Variants in NLE1 observed in about 807,000 individuals in gnomAD.
NLE1 encodes notchless protein homolog 1.
Under a neutral mutation model 62.8 loss-of-function variants are expected in NLE1, and 37 were observed. The observed-to-expected ratio is 0.59, with a 90% CI of 0.45 to 0.78. The LOEUF (loss-of-function observed/expected upper bound fraction) is 0.78. NLE1 is among the 30% of genes least tolerant of loss of function. The probability of loss-of-function intolerance (pLI) is 0.00; values close to 1 mark genes in which losing one functional copy is unlikely to be tolerated. For synonymous variants in NLE1, 243 were observed against 253.0 expected (o/e 0.96, Z 0.37); for missense variants, 555 against 637.9 (o/e 0.87, Z 1.40).
intron 4 of NLE1, 31 bp downstream of exon 4, chr17:35,139,204 A>C (rs769434120): frequency 3.1e-6 from 5 of 1,593,122 alleles, no homozygotes; most frequent in Non-Finnish European, 4.3e-6. Flanking sequence ...AAAAAAAAGA[A>C]GACCCCCTAA....
chr17:35,142,281 G>C lies in NLE1; in HGVS notation c.-6C>G. On this transcript the variant is annotated 5_prime_UTR_variant, in exon 1 of 13. Transcript: ENST00000442241. ...ACCGGCACTGCTGCCGCCATCCTGC[G>C]TCCCCACGTGGAGGAGAAAGAGCCC... 1 of 1,540,254 alleles carries C rather than the reference G, an allele frequency of 6.5e-7. No homozygotes were observed. The highest frequency in any genetic ancestry group is 8.7e-7 in the Non-Finnish European group (1 of 1,146,056).
chr17:35,141,969 A>T lies in NLE1; in HGVS notation c.162+10T>A, dbSNP rs2091946985. On this transcript the variant is annotated intron_variant, in intron 2 of 12. Transcript: ENST00000442241. The stretch of plus-strand genomic sequence containing the variant: ...GTGGAGATGCGAGGCCGCCCTGGCC[A>T]GCCACTTACCTGGGCCAGTAGCGCG... 2 of 1,566,956 alleles carry T rather than the reference A, an allele frequency of 1.3e-6. No individual in the cohort carries two copies. The highest frequency in any genetic ancestry group is 1.7e-6 in the Non-Finnish European group (2 of 1,156,392).
At chr17:35,132,470 T>A (rs758872484) in intron 12 of NLE1, 21 bp from the exon 13 acceptor site, 1 of 1,383,208 alleles carries the variant, frequency 7.2e-7, no homozygotes, top group Non-Finnish European at 9.4e-7. Flanking sequence ...GGGAAGGGTG[T>A]CAGGATGGGG....
rs144949018 is a variant in NLE1, at chr17:35,137,543, G to A, written c.635C>T (p.Ala212Val). 1.2e-5 allele frequency: 19 copies of A among 1,606,292 alleles called. No individual in the cohort carries two copies. The highest frequency in any genetic ancestry group is 8.0e-5 in the African/African-American group (6 of 74,892). ...ITGLSWEPLH[A>V]NPECRYVASS... ...TCCCAGCTCCGTCAGTGTCACTTAC[G>A]CATGGAGGGGCTCCCAGCTCAGGCC... Residue 212 changes from alanine (A) to valine (V), a missense_variant and splice_region_variant, in exon 6 of 13, where the codon GCG becomes GTG. By Grantham distance (64) the Ala-to-Val change is moderately conservative. Coordinates refer to ENST00000442241, the MANE Select transcript of NLE1 (RefSeq NM_018096.5).
chr17:35,137,222 T>C, intron 6 of NLE1, 29 bp from the exon 7 acceptor site: 1 of 1,574,094 alleles, frequency 6.4e-7, no homozygotes, highest in Non-Finnish European at 8.7e-7. Context: ...TGACCTCATC[T>C]GTGACCTGGC....
In NLE1 at chr17:35,135,229, C is replaced by T; in HGVS notation, c.1214+20G>A. The T allele has an allele frequency of 6.2e-7, 1 of 1,609,482 alleles. No homozygotes were observed. The highest frequency in any genetic ancestry group is 8.5e-7 in the Non-Finnish European group (1 of 1,175,796). On this transcript the variant is annotated intron_variant, in intron 10 of 12. Coordinates refer to ENST00000442241, the MANE Select transcript of NLE1 (RefSeq NM_018096.5). Reference sequence around the variant, plus strand: ...CCACCATTCACTCCTTACAGAGAAGCAGTACCCACCCCTACTCACTTGCCC... The same window carrying T: ...CCACCATTCACTCCTTACAGAGAAGTAGTACCCACCCCTACTCACTTGCCC...
Position 35,137,918 on chromosome 17 carries a change from G to C in NLE1, c.461-28C>G, listed in dbSNP as rs1050144860. ...AAGAAAGCAGAGGAGGGAGAAATAA[G>C]GGACTACATCTGTCTTTATCCCAAG... On this transcript the variant is annotated intron_variant, in intron 4 of 12. Transcript: ENST00000442241. 1.9e-6 allele frequency: 3 copies of C among 1,565,942 alleles called. No homozygotes were observed. In the African/African-American group the frequency reaches 4.1e-5, roughly 21 times the overall value.
rs1433290777 is a variant in NLE1 at position 35,129,993 on chromosome 17, C to G, written c.*2444G>C. On this transcript the variant is annotated 3_prime_UTR_variant, in exon 13 of 13. Transcript: ENST00000442241. ...AGGGCATTGAAAGAAATAGGGAAGACAAGAGGCTAAAGGGGGACGAAGAAG... is the reference window on the plus strand; with the variant it reads ...AGGGCATTGAAAGAAATAGGGAAGAGAAGAGGCTAAAGGGGGACGAAGAAG... The G allele has an allele frequency of 1.0e-5, 14 of 1,372,558 alleles. No homozygotes were observed. The highest frequency in any genetic ancestry group is 1.3e-5 in the Non-Finnish European group (14 of 1,064,546). The allele number at this position is 1,372,558 out of a possible 1,614,324, so 85.0% of individuals were successfully genotyped here.
chr17:35,135,560 G>A (rs751964373), intron 9 of NLE1, 109 bp from the exon 10 acceptor site: 30 of 956,692 alleles, frequency 3.1e-5, no homozygotes, highest in Non-Finnish European at 3.8e-5. Context: ...CAGGGACAGA[G>A]AGAGGCCAGC....
Position 35,129,660 on chromosome 17 carries a change from T to C in NLE1, c.*2777A>G, listed in dbSNP as rs200971445. 9.0e-5 allele frequency: 145 copies of C among 1,613,034 alleles called. No individual in the cohort carries two copies. The highest frequency in any genetic ancestry group is 9.7e-5 in the Non-Finnish European group (114 of 1,179,742). The stretch of plus-strand genomic sequence containing the variant: ...GGGAAGTGGTGCAAGCCCTACAAAG[T>C]GAGCCCTGGGAAAAGAGGGGCCTTG... On this transcript the variant is annotated 3_prime_UTR_variant, in exon 13 of 13. Coordinates refer to ENST00000442241, the MANE Select transcript of NLE1 (RefSeq NM_018096.5).
chr17:35,135,198 C>A (rs771396297), intron 10 of NLE1, 51 bp downstream of exon 10: 2 of 1,551,660 alleles, frequency 1.3e-6, no homozygotes, highest in South Asian at 1.1e-5. Flanking sequence ...CAGTGCCAAG[C>A]CCCTCCCACC....
At position 35,130,031 on chromosome 17, in the gene NLE1, G is replaced by GT. The variant is rs2091866935; in HGVS notation, c.*2405dup. On this transcript the variant is annotated 3_prime_UTR_variant, in exon 13 of 13. Transcript: ENST00000442241. ...GGGGACGAAGAAGGGAACAGCCTGG[G>GT]TATGGGGTAGGGGTATGGGGGTATA... 2 of 1,390,136 alleles carry GT rather than the reference G, an allele frequency of 1.4e-6. No homozygotes were observed. Among genetic ancestry groups the GT allele is most frequent in the Non-Finnish European group, 1.9e-6 (2 of 1,074,430 alleles). 86.1% of individuals were successfully genotyped at this position (1,390,136 alleles called of 1,614,324 possible). A position where few individuals can be genotyped will look rare whatever the true frequency, so the allele number is the denominator to read the frequency against.
chr17:35,135,493 G>A, intron 9 of NLE1, 42 bp from the exon 10 acceptor site: 1 of 1,593,736 alleles, frequency 6.3e-7, no homozygotes. Flanking sequence ...TGTGGTCTCA[G>A]AAAGAAGGAG....
chr17:35,137,965 T>G (rs1161096793), intron 4 of NLE1, 75 bp from the exon 5 acceptor site: 2 of 1,020,608 alleles, frequency 2.0e-6, no homozygotes, highest in East Asian at 4.8e-5. Context: ...GCCTGTCAGG[T>G]GCCAGGTACT....
intron 12 of NLE1, among the ~76,000 whole-genome samples, chr17:35,132,842 C>T (rs1161191395): frequency 6.6e-6 from 1 of 152,242 alleles, no homozygotes; most frequent in Admixed American, 6.5e-5. Context: ...TCTTGCGACT[C>T]TGAAGTCTAG....
Position 35,130,371 on chromosome 17 carries a change from C to G in NLE1, c.*2066G>C, listed in dbSNP as rs149380490. 1 of 1,614,110 alleles carries G rather than the reference C, an allele frequency of 6.2e-7. No homozygotes were observed. On this transcript the variant is annotated 3_prime_UTR_variant, in exon 13 of 13. Transcript: ENST00000442241. The stretch of plus-strand genomic sequence containing the variant: ...GGCGCAAGGAACCCCGGCAAAAGAT[C>G]GTGTCCATCGGGCCGGAGGAGATGC...
In NLE1 at chr17:35,142,089, G is replaced by A; in HGVS notation, c.52C>T (p.Leu18=). ...EAVARDVQRL[L]VQFQDEGGQL... is the part of the protein sequence containing the mutation. ...CCGCCCTCATCCTGGAACTGCACTA[G>A]CAACCGCTGCACATCGCGCGCCACC... The change falls in exon 2 of 13, where the codon CTA becomes TTA. Residue 18 remains leucine, a synonymous_variant. Transcript: ENST00000442241. The A allele has an allele frequency of 6.2e-7, 1 of 1,612,488 alleles. No individual in the cohort carries two copies. The highest frequency in any genetic ancestry group is 8.5e-7 in the Non-Finnish European group (1 of 1,179,888).
chr17:35,135,921 T>C (rs1423560780), intron 9 of NLE1, among the ~76,000 whole-genome samples: 1 of 151,950 alleles, frequency 6.6e-6, no homozygotes, highest in Non-Finnish European at 1.5e-5. Context: ...AAACAACAAA[T>C]TAAAGTAAAA....
chr17:35,133,563 T>TC, intron 10 of NLE1, 65 bp from the exon 11 acceptor site: 1 of 1,456,476 alleles, frequency 6.9e-7, no homozygotes, highest in Non-Finnish European at 9.3e-7. Context: ...GTCTGAAGGG[T>TC]CCCCTACGCT....
Sources: allele counts gnomAD v4.1 joint callset (sites outside exome capture counted in the v4.1 genomes callset), GRCh38; gene constraint gnomAD v4.1.1; transcripts MANE v1.5; gene names NCBI Gene and HGNC (gene_info 2026-07-23, HGNC 2026-07-21).